SIPA1L1: variants seen among roughly 807,000 people sequenced by gnomAD.
SIPA1L1 encodes signal induced proliferation associated 1 like 1, also known as signal-induced proliferation-associated 1-like protein 1.
A neutral mutation model predicts 162.7 loss-of-function variants in SIPA1L1; 26 were observed. The ratio of observed to expected loss-of-function variants is 0.16; its 90% CI spans 0.12 to 0.22. SIPA1L1 has a LOEUF of 0.22. Among genes scored for constraint, SIPA1L1 ranks in the 10% least tolerant of loss-of-function variants. SIPA1L1 has a pLI of 1.00. For synonymous variants in SIPA1L1, 829 were observed against 837.4 expected (o/e 0.99, Z 0.17); for missense variants, 1,874 against 2,241.0 (o/e 0.84, Z 3.31).
chr14:71,391,240 G>A (rs999815973), intron 2 of SIPA1L1, among the ~76,000 whole-genome samples: 1 of 151,316 alleles, frequency 6.6e-6, no homozygotes, highest in Non-Finnish European at 1.5e-5. Flanking sequence ...CCGAGTAGCT[G>A]GGACTACAGG....
chr14:71,443,414 CT>C (rs2045078411), intron 2 of SIPA1L1, among the ~76,000 whole-genome samples: 1 of 151,990 alleles, frequency 6.6e-6, no homozygotes, highest in East Asian at 1.9e-4. Flanking sequence ...AGAATTTTAT[CT>C]TTTTGTGCTT....
chr14:71,359,001 G>T (rs2037540660), intron 2 of SIPA1L1, among the ~76,000 whole-genome samples: 1 of 152,114 alleles, frequency 6.6e-6, no homozygotes, highest in East Asian at 1.9e-4. Context: ...TTGAGATTTG[G>T]GTGGGGACAC....
chr14:71,690,234 C>T, intron 13 of SIPA1L1, among the ~76,000 whole-genome samples: 1 of 151,876 alleles, frequency 6.6e-6, no homozygotes. Context: ...CATTGACTTC[C>T]ATATTTCTTT....
intron 2 of SIPA1L1, among the ~76,000 whole-genome samples, chr14:71,354,506 A>T (rs1447523374): frequency 6.6e-6 from 1 of 151,032 alleles, no homozygotes; most frequent in Non-Finnish European, 1.5e-5. Context: ...TGAATTCCTA[A>T]CCTCAAGCAA....
At chr14:71,605,303 T>C (rs185521849) in intron 5 of SIPA1L1, among the ~76,000 whole-genome samples, 3 of 152,340 alleles carry the variant, frequency 2.0e-5, no homozygotes, top group Admixed American at 2.0e-4. Flanking sequence ...GTGTTGTTTT[T>C]CAGTATTTGG....
intron 2 of SIPA1L1, among the ~76,000 whole-genome samples, chr14:71,429,800 T>C (rs1253989828): frequency 6.6e-6 from 1 of 152,230 alleles, no homozygotes; most frequent in Non-Finnish European, 1.5e-5. Flanking sequence ...AATAGGTAGA[T>C]CTCATTAGCT....
intron 17 of SIPA1L1, among the ~76,000 whole-genome samples, chr14:71,710,534 G>A (rs1256607945): frequency 1.3e-5 from 2 of 152,170 alleles, no homozygotes; most frequent in Admixed American, 1.3e-4. Context: ...GAGGCTGGGC[G>A]TGGTGGCTCA....
At chr14:71,326,452 G>A (rs1016732745) in intron 2 of SIPA1L1, among the ~76,000 whole-genome samples, 6 of 151,128 alleles carry the variant, frequency 4.0e-5, no homozygotes, top group Non-Finnish European at 7.4e-5. Flanking sequence ...TAGGTGATCC[G>A]CCTGCCTCAG....
At chr14:71,403,426 C>T (rs1276077081) in intron 2 of SIPA1L1, among the ~76,000 whole-genome samples, 3 of 151,746 alleles carry the variant, frequency 2.0e-5, no homozygotes, top group Non-Finnish European at 2.9e-5. Flanking sequence ...GTTGAAACCC[C>T]GTCTCTACTA....
chr14:71,714,041 T>C (rs1418115244), intron 17 of SIPA1L1, among the ~76,000 whole-genome samples: 1 of 152,236 alleles, frequency 6.6e-6, no homozygotes, highest in Non-Finnish European at 1.5e-5. Flanking sequence ...TGGTTGACTC[T>C]ATTTGCCTTA....
intron 2 of SIPA1L1, among the ~76,000 whole-genome samples, chr14:71,428,369 G>C (rs779959996): frequency 6.6e-6 from 1 of 150,818 alleles, no homozygotes; most frequent in African/African-American, 2.4e-5. Context: ...TATGATTTGC[G>C]GTTTTTTTTT....
chr14:71,509,134 A>G (rs1314875750), intron 2 of SIPA1L1, among the ~76,000 whole-genome samples: 3 of 152,096 alleles, frequency 2.0e-5, no homozygotes, highest in Admixed American at 1.3e-4. Context: ...TCTTGGCCCT[A>G]TGGGGTTTGT....
intron 14 of SIPA1L1, among the ~76,000 whole-genome samples, chr14:71,699,922 C>G (rs1425234549): frequency 6.6e-6 from 1 of 152,212 alleles, no homozygotes; most frequent in Non-Finnish European, 1.5e-5. Context: ...TCCTTCAAAT[C>G]TAACTGTGAC....
Position 71,377,953 on chromosome 14 carries a change from A to T in SIPA1L1, c.-465+56772A>T, listed in dbSNP as rs1360756484. Among the ~76,000 whole-genome samples, 1 of 152,180 alleles carries T rather than the reference A, an allele frequency of 6.6e-6. No homozygotes were observed. Among genetic ancestry groups the T allele is most frequent in the Non-Finnish European group, 1.5e-5 (1 of 68,028 alleles). ...ACAGTCCAGCCTCGGCAACCGAGGG[A>T]GACCGTGGAAAGCAGGAGATGGAGA... On this transcript the variant is annotated intron_variant, in intron 2 of 23. Transcript: ENST00000381232. The surrounding 1 kb of genome is among the most constrained non-coding windows in gnomAD (Gnocchi z 4.8).
chr14:71,666,524 T>C (rs1350703909), intron 10 of SIPA1L1, among the ~76,000 whole-genome samples: 1 of 152,226 alleles, frequency 6.6e-6, no homozygotes, highest in Non-Finnish European at 1.5e-5. Flanking sequence ...AGAGTTGTTA[T>C]TCATTTTAAA....
At chr14:71,365,798 T>A (rs1566935649) in intron 2 of SIPA1L1, among the ~76,000 whole-genome samples, 1 of 151,718 alleles carries the variant, frequency 6.6e-6, no homozygotes, top group Non-Finnish European at 1.5e-5. Context: ...AGATCTTGGC[T>A]CACTGCAACC....
chr14:71,386,732 T>G (rs1404054412), intron 2 of SIPA1L1, among the ~76,000 whole-genome samples: 3 of 152,236 alleles, frequency 2.0e-5, no homozygotes, highest in Admixed American at 2.0e-4. Flanking sequence ...AATGATCCTT[T>G]TATTTTTAGT....
intron 13 of SIPA1L1, among the ~76,000 whole-genome samples, chr14:71,696,752 A>G (rs943173014): frequency 6.6e-6 from 1 of 152,174 alleles, no homozygotes; most frequent in Non-Finnish European, 1.5e-5. Context: ...CTTAATTCAC[A>G]TTAAGGGAGA....
chr14:71,345,916 T>C (rs1288749775), intron 2 of SIPA1L1, among the ~76,000 whole-genome samples: 1 of 151,502 alleles, frequency 6.6e-6, no homozygotes, highest in Non-Finnish European at 1.5e-5. Flanking sequence ...GTATAATTTA[T>C]TATTATTATT....
Sources: gnomAD v4.1 joint callset for allele counts (sites outside exome capture counted in the v4.1 genomes callset) on GRCh38, gnomAD v4.1.1 for gene constraint, Gnocchi (gnomAD v3.1) non-coding constraint, MANE v1.5 for transcripts, NCBI Gene and HGNC (gene_info 2026-07-23, HGNC 2026-07-21) for gene names.